Variants in GNG7 observed in about 807,000 individuals in gnomAD.
GNG7 encodes the protein G protein subunit gamma 7.
Under a neutral mutation model 4.0 loss-of-function variants are expected in GNG7, and 1 was observed. The ratio of observed to expected loss-of-function variants is 0.25; its 90% CI spans 0.09 to 1.18. The LOEUF is 1.18. Among genes scored for constraint, GNG7 ranks in the 50% most tolerant of loss-of-function variants. The pLI is 0.50. For missense variants in GNG7, 86 were observed against 91.9 expected (o/e 0.94, Z 0.26); for synonymous variants, 34 against 36.9 (o/e 0.92, Z 0.29).
At chr19:2,613,485 G>C (rs184019268) in intron 2 of GNG7, among the ~76,000 whole-genome samples, 267 of 145,840 alleles carry the variant, frequency 1.8e-3, no homozygotes, top group Non-Finnish European at 1.5e-3. Flanking sequence ...CATAAACCAG[G>C]GGGACCCCCA....
chr19:2,671,917 A>G (rs985293660), intron 1 of GNG7, among the ~76,000 whole-genome samples: 3 of 151,616 alleles, frequency 2.0e-5, no homozygotes, highest in African/African-American at 7.3e-5. Flanking sequence ...CGGGCGTGGC[A>G]GTGGGCACCT....
At chr19:2,528,827 T>A (rs1175811923) in intron 3 of GNG7, among the ~76,000 whole-genome samples, 1 of 152,328 alleles carries the variant, frequency 6.6e-6, no homozygotes. Flanking sequence ...CCCAGGTTCC[T>A]GTGTGAGGAA....
chr19:2,583,708 C>A (rs540603961), intron 2 of GNG7, among the ~76,000 whole-genome samples: 54 of 152,258 alleles, frequency 3.5e-4, no homozygotes, highest in Middle Eastern at 3.4e-3. Flanking sequence ...AACTTAGATG[C>A]CTCCCTTGAG....
chr19:2,560,925 C>G (rs1979723101), intron 2 of GNG7, among the ~76,000 whole-genome samples: 1 of 149,878 alleles, frequency 6.7e-6, no homozygotes, highest in Admixed American at 6.7e-5. Context: ...CCATTGCACT[C>G]CAGCCTGGGC....
At chr19:2,594,048 C>T (rs1160059729) in intron 2 of GNG7, among the ~76,000 whole-genome samples, 1 of 151,792 alleles carries the variant, frequency 6.6e-6, no homozygotes, top group Non-Finnish European at 1.5e-5. Context: ...TATTTCTCTG[C>T]TTTTCTATTA....
At chr19:2,680,944 T>C (rs937708649) in intron 1 of GNG7, among the ~76,000 whole-genome samples, 1 of 151,840 alleles carries the variant, frequency 6.6e-6, no homozygotes, top group Non-Finnish European at 1.5e-5. Context: ...TGAGCCCTTG[T>C]GATTGTTTGT....
At chr19:2,651,024 A>T (rs1982797816) in intron 1 of GNG7, among the ~76,000 whole-genome samples, 1 of 152,152 alleles carries the variant, frequency 6.6e-6, no homozygotes, top group Admixed American at 6.5e-5. Flanking sequence ...TCCACCCAGC[A>T]GGCAGGCAAG....
At chr19:2,561,112 G>A (rs1237513432) in intron 2 of GNG7, among the ~76,000 whole-genome samples, 1 of 152,134 alleles carries the variant, frequency 6.6e-6, no homozygotes, top group Non-Finnish European at 1.5e-5. Flanking sequence ...CATTCAAGGT[G>A]TGGATTGCAA....
At chr19:2,642,390 G>C (rs1432791867) in intron 2 of GNG7, 1 of 248,394 alleles carries the variant, frequency 4.0e-6, no homozygotes, top group African/African-American at 2.2e-5. Context: ...TTTTTAGACA[G>C]GGTCTGGCTC....
rs71178300 is a variant in GNG7, at chr19:2,606,664, A to ATAAT, written c.-78+39556_-78+39559dup. ...GAGTGAAACTCTGTCTCAAAAAAAA[A>ATAAT]TAATTAATTAATTAATTAATTAATT... On this transcript the variant is annotated intron_variant, in intron 2 of 4. Transcript: ENST00000382159. Among the ~76,000 whole-genome samples the ATAAT allele has an allele frequency of 1.3e-4, 19 of 143,238 alleles. No individual in the cohort carries two copies. The South Asian group carries it at 1.6e-3, about 12-fold the overall frequency. 94.0% of individuals were successfully genotyped at this position (143,238 alleles called of 152,430 possible).
At chr19:2,608,279 T>C (rs1981453717) in intron 2 of GNG7, among the ~76,000 whole-genome samples, 1 of 150,918 alleles carries the variant, frequency 6.6e-6, no homozygotes, top group South Asian at 2.1e-4. Context: ...TAATACCTGC[T>C]GCGGAGAGGT....
At chr19:2,702,039 A>T (rs572733700) in intron 1 of GNG7, among the ~76,000 whole-genome samples, 40 of 141,974 alleles carry the variant, frequency 2.8e-4, no homozygotes, top group African/African-American at 1.0e-3. Flanking sequence ...CTTCCTAGCT[A>T]ACCTGGACCT....
intron 2 of GNG7, among the ~76,000 whole-genome samples, chr19:2,604,712 A>T (rs1245201710): frequency 1.3e-5 from 2 of 151,606 alleles, no homozygotes; most frequent in African/African-American, 4.8e-5. Flanking sequence ...GAGGGAAAAG[A>T]GAAAGTTTTC....
intron 1 of GNG7, among the ~76,000 whole-genome samples, chr19:2,689,200 A>C (rs1357461282): frequency 8.2e-5 from 5 of 60,786 alleles, no homozygotes; most frequent in East Asian, 2.3e-3. Context: ...AAATAATGCA[A>C]AAAAAAAGGG....
intron 2 of GNG7, among the ~76,000 whole-genome samples, chr19:2,578,242 G>A (rs1980401055): frequency 6.6e-6 from 1 of 152,114 alleles, no homozygotes; most frequent in Admixed American, 6.6e-5. Context: ...CTGAGACACA[G>A]GTAGCGTAGG....
intron 2 of GNG7, among the ~76,000 whole-genome samples, chr19:2,575,685 GCACACGCAGA>G (rs1980297935): frequency 2.2e-5 from 2 of 91,684 alleles, no homozygotes; most frequent in African/African-American, 4.6e-5. Flanking sequence ...AGACACGCAG[GCACACGCAGA>G]CACACGCAGA....
chr19:2,630,184 A>C (rs1180361975), intron 2 of GNG7, among the ~76,000 whole-genome samples: 1 of 152,128 alleles, frequency 6.6e-6, no homozygotes, highest in Non-Finnish European at 1.5e-5. Context: ...AAAGGGAGTG[A>C]AGGTCCTGCT....
intron 1 of GNG7, among the ~76,000 whole-genome samples, chr19:2,686,989 T>C (rs1264489257): frequency 6.6e-6 from 1 of 151,678 alleles, no homozygotes; most frequent in Admixed American, 6.6e-5. Flanking sequence ...CCTGACCTCG[T>C]GATCCGCCCG....
At chr19:2,540,174 G>A (rs1978912844) in intron 3 of GNG7, among the ~76,000 whole-genome samples, 1 of 150,896 alleles carries the variant, frequency 6.6e-6, no homozygotes, top group Admixed American at 6.6e-5. Context: ...TCTCTGAGAA[G>A]GGGTCTTACT....
Sources: allele counts gnomAD v4.1 joint callset (sites outside exome capture counted in the v4.1 genomes callset), GRCh38; gene constraint gnomAD v4.1.1; transcripts MANE v1.5; gene names NCBI Gene and HGNC (gene_info 2026-07-23, HGNC 2026-07-21).